The following SCML2 variants were observed in gnomAD, a reference collection of about 807,000 sequenced individuals.
SCML2 encodes sex comb on midleg-like protein 2.
Under a neutral mutation model 48.4 loss-of-function variants are expected in SCML2, and 6 were observed. The observed-to-expected ratio is 0.12, with a 90% CI of 0.07 to 0.24. The LOEUF (loss-of-function observed/expected upper bound fraction) is 0.24, where lower values mean the gene tolerates loss of function less well. Ranked by LOEUF, SCML2 falls within the 10% of genes least tolerant of loss-of-function variation. The pLI, the probability that SCML2 is intolerant of heterozygous loss-of-function variation, is 1.00. For missense variants in SCML2, 377 were observed against 528.2 expected, an observed-to-expected ratio of 0.71 and a Z score of 2.81; for synonymous variants, 181 against 189.5, an observed-to-expected ratio of 0.95 and a Z score of 0.37.
chrX:18,260,427 C>T (rs970385445), intron 8 of SCML2, 136 bp from the exon 9 acceptor site: 14 of 481,595 alleles, frequency 2.9e-5, no homozygotes, highest in Admixed American at 9.7e-5. Flanking sequence ...TGGAAACTCC[C>T]GTGTGTGTCA....
At position 18,260,192 on chromosome X, in the gene SCML2, A is replaced by G. The variant is rs1455025341; in HGVS notation, c.1048T>C (p.Cys350Arg). Reference protein sequence around the residue: ...MLYKDVASGPCKIVMSTVCVY... With the variant: ...MLYKDVASGPRKIVMSTVCVY... ...TTACCTGTAGACATCACTATTTTAC[A>G]TGGCCCAGAAGCGACATCTTTATAT... Residue 350 changes from cysteine to arginine, a missense_variant, in exon 9 of 15, where the codon TGT (cysteine) becomes CGT (arginine). Coordinates refer to ENST00000251900, the MANE Select transcript of SCML2 (RefSeq NM_006089.3). The G allele has an allele frequency of 1.0e-5, 12 of 1,189,744 alleles. No homozygotes were observed. Among genetic ancestry groups the G allele is most frequent in the Non-Finnish European group, 1.4e-5 (12 of 883,066 alleles).
chrX:18,245,742 T>G (rs1396993753), intron 13 of SCML2, among the ~76,000 whole-genome samples: 1 of 111,940 alleles, frequency 8.9e-6, no homozygotes, highest in Non-Finnish European at 1.9e-5. Context: ...CTTTCTTTCT[T>G]TCTTCTTTCT....
intron 6 of SCML2, among the ~76,000 whole-genome samples, chrX:18,313,565 C>A (rs1463639372): frequency 9.0e-6 from 1 of 111,428 alleles, no homozygotes; most frequent in African/African-American, 3.3e-5. Flanking sequence ...AGCACTGCTG[C>A]AGCAAAGTCC....
At position 18,242,576 on chromosome X, in the gene SCML2, C is replaced by G; in HGVS notation, c.1837G>C (p.Ala613Pro). ...TTCAGGACACTGGGATCAGGTACAG[C>G]TATATAACTTGGAGCTTCAATGGGG... ...QRKSEAPSYIAVPDPSVLKQG... is the reference protein window; with the variant it reads ...QRKSEAPSYIPVPDPSVLKQG... Residue 613 changes from alanine to proline, a missense_variant, in exon 14 of 15, where the codon GCT becomes CCT. Around this residue, in one of 3 missense-constraint regions of SCML2, gnomAD observed 299 missense variants for 425.5 expected, o/e 0.70. Coordinates refer to ENST00000251900, the MANE Select transcript of SCML2 (RefSeq NM_006089.3). 1 of 1,204,938 alleles carries G rather than the reference C, an allele frequency of 8.3e-7. No individual in the cohort carries two copies. The highest frequency in any genetic ancestry group is 1.1e-6 in the Non-Finnish European group (1 of 893,566).
At chrX:18,251,022 G>A (rs1307857749) in intron 11 of SCML2, among the ~76,000 whole-genome samples, 1 of 110,226 alleles carries the variant, frequency 9.1e-6, no homozygotes, top group African/African-American at 3.3e-5. Context: ...CAGCATGAGG[G>A]TAACTGCCCC....
At chrX:18,350,355 T>A (rs1938440853) in intron 1 of SCML2, among the ~76,000 whole-genome samples, 1 of 106,909 alleles carries the variant, frequency 9.4e-6, no homozygotes, top group African/African-American at 3.4e-5. Flanking sequence ...GTGGATGGAT[T>A]ACCTGAGGTC....
At chrX:18,322,491 T>G (rs1272640831) in intron 5 of SCML2, among the ~76,000 whole-genome samples, 4 of 112,223 alleles carry the variant, frequency 3.6e-5, no homozygotes, top group African/African-American at 9.7e-5. Context: ...TTGAGAAATA[T>G]TATAAACAAC....
intron 3 of SCML2, among the ~76,000 whole-genome samples, 195 bp from the exon 4 acceptor site, chrX:18,325,172 T>C (rs1017417139): frequency 1.8e-5 from 2 of 110,481 alleles, no homozygotes; most frequent in Non-Finnish European, 3.8e-5. Context: ...AATAAGACGA[T>C]ATCCTGATAA....
Position 18,256,916 on chromosome X carries a change from C to T in SCML2, c.1388G>A (p.Ser463Asn). ...CHSLQCDNLL[S>N]SQPFSSSRGH... ...CCTGGAAGAACTAAAAGGCTGGCTA[C>T]TCAAAAGGTTATCACACTGCAGACT... The change falls in exon 11 of 15, where the codon AGT becomes AAT. Residue 463 changes from serine to asparagine, a missense_variant. By Grantham distance (46) the Ser-to-Asn change is conservative. Around this residue, in one of 3 missense-constraint regions of SCML2, gnomAD observed 299 missense variants for 425.5 expected, o/e 0.70. Coordinates refer to ENST00000251900, the MANE Select transcript of SCML2 (RefSeq NM_006089.3). 1 of 1,207,616 alleles carries T rather than the reference C, an allele frequency of 8.3e-7. No homozygotes were observed. Among genetic ancestry groups the T allele is most frequent in the Non-Finnish European group, 1.1e-6 (1 of 893,528 alleles).
chrX:18,263,893 G>A (rs1927163586), intron 8 of SCML2, among the ~76,000 whole-genome samples: 1 of 104,746 alleles, frequency 9.5e-6, no homozygotes, highest in African/African-American at 3.5e-5. Context: ...GATGAGAAAT[G>A]TCAGCTGTTA....
chrX:18,342,492 A>G (rs930190217), intron 1 of SCML2, among the ~76,000 whole-genome samples: 1 of 111,919 alleles, frequency 8.9e-6, no homozygotes, highest in African/African-American at 3.2e-5. Flanking sequence ...CGGGCAGATC[A>G]CCTGAGGTCA....
At chrX:18,292,941 GAAC>G (rs1034475856) in intron 7 of SCML2, among the ~76,000 whole-genome samples, 1 of 110,854 alleles carries the variant, frequency 9.0e-6, no homozygotes, top group African/African-American at 3.3e-5. Context: ...TTATTCTAAA[GAAC>G]AACTATACCA....
intron 8 of SCML2, among the ~76,000 whole-genome samples, chrX:18,265,352 T>C (rs1396453121): frequency 1.8e-5 from 2 of 112,512 alleles, no homozygotes; most frequent in Admixed American, 9.4e-5. Flanking sequence ...CATGTATTAA[T>C]AGTACTTTCA....
chrX:18,352,680 G>A (rs1353916112), intron 1 of SCML2, among the ~76,000 whole-genome samples: 1 of 111,774 alleles, frequency 8.9e-6, no homozygotes, highest in Non-Finnish European at 1.9e-5. Flanking sequence ...GACAGCACAG[G>A]TGCTTAATAA....
At position 18,305,145 on chromosome X, in the gene SCML2, G is replaced by A. The variant is rs1428884720; in HGVS notation, c.557C>T (p.Pro186Leu). 3 of 1,209,132 alleles carry A rather than the reference G, an allele frequency of 2.5e-6. No homozygotes were observed. The highest frequency in any genetic ancestry group is 3.4e-6 in the Non-Finnish European group (3 of 894,050). The change falls in exon 7 of 15, where the codon CCG (proline) becomes CTG (leucine). Residue 186 changes from proline (P) to leucine (L), a missense_variant. By Grantham distance (98) the Pro-to-Leu change is moderately conservative. Coordinates refer to ENST00000251900, the MANE Select transcript of SCML2 (RefSeq NM_006089.3). ...MKLEAIDKKN[P>L]YLICPATIGD... ...AATGGTCGCAGGACAGATGAGATACGGGTTCTTTTTGTCAATAGCTTCCAG... is the reference window on the plus strand; with the variant it reads ...AATGGTCGCAGGACAGATGAGATACAGGTTCTTTTTGTCAATAGCTTCCAG...
intron 2 of SCML2, among the ~76,000 whole-genome samples, chrX:18,332,870 T>C (rs1456515800): frequency 9.1e-6 from 1 of 110,456 alleles, no homozygotes; most frequent in African/African-American, 3.3e-5. Flanking sequence ...CCTCACCTGC[T>C]TGGGAGGCCA....
intron 7 of SCML2, among the ~76,000 whole-genome samples, chrX:18,302,134 TTTTC>T (rs896444561): frequency 9.1e-6 from 1 of 110,421 alleles, no homozygotes; most frequent in Admixed American, 9.7e-5. Flanking sequence ...GGAAACCACT[TTTTC>T]TTTTTCTTTT....
intron 7 of SCML2, among the ~76,000 whole-genome samples, chrX:18,302,604 T>G (rs1488477378): frequency 1.8e-5 from 2 of 111,692 alleles, no homozygotes; most frequent in Non-Finnish European, 3.8e-5. Context: ...GTCCTGGTCC[T>G]TTTCTACCTC....
At chrX:18,255,856 C>G (rs1926822673) in intron 11 of SCML2, among the ~76,000 whole-genome samples, 3 of 112,346 alleles carry the variant, frequency 2.7e-5, no homozygotes, top group Admixed American at 1.9e-4. Flanking sequence ...CAGCAGCTGG[C>G]CAGAAAACCA....
Sources: allele counts gnomAD v4.1 joint callset (sites outside exome capture counted in the v4.1 genomes callset), GRCh38; gene constraint gnomAD v4.1.1; regional missense constraint gnomAD v4.1.1; transcripts MANE v1.5; gene names NCBI Gene and HGNC (gene_info 2026-07-23, HGNC 2026-07-21).